PDZD2: variants seen among roughly 807,000 people sequenced by gnomAD.
PDZD2 encodes PDZ domain-containing protein 2.
PDZD2 carries 90 observed loss-of-function variants against 220.7 expected under a neutral mutation model. The ratio of observed to expected loss-of-function variants is 0.41; its 90% CI spans 0.34 to 0.49. The LOEUF is 0.49. Ranked by LOEUF, PDZD2 falls within the 20% of genes least tolerant of loss-of-function variation. The probability of loss-of-function intolerance (pLI) is 0.28; values close to 1 mark genes in which losing one functional copy is unlikely to be tolerated. For missense variants in PDZD2, 3,174 were observed against 3,608.5 expected, an observed-to-expected ratio of 0.88 and a Z score of 3.08; for synonymous variants, 1,375 against 1,450.5, an observed-to-expected ratio of 0.95 and a Z score of 1.18.
rs139341254 is a variant in PDZD2, at chr5:31,657,702, G to A, written c.-361+18265G>A. ...AAACATGGAGGCAGGTCATGAGACC[G>A]TGTGATCCATGTGCATCAGCACTGG... On this transcript the variant is annotated intron_variant, in intron 1 of 24. Coordinates refer to ENST00000438447, the MANE Select transcript of PDZD2 (RefSeq NM_178140.4). Among the ~76,000 whole-genome samples the A allele has an allele frequency of 2.8e-3, 433 of 152,294 alleles. 1 individual carries two copies. Among genetic ancestry groups the A allele is most frequent in the Non-Finnish European group, 4.0e-3 (273 of 68,024 alleles).
intron 2 of PDZD2, among the ~76,000 whole-genome samples, chr5:31,921,113 C>T (rs1744213949): frequency 6.6e-6 from 1 of 152,140 alleles, no homozygotes; most frequent in Non-Finnish European, 1.5e-5. Flanking sequence ...ATTCTGTCCC[C>T]CTTAAGAGGT....
In PDZD2 at chr5:31,850,073, T is replaced by TGTATATATAAGTATATATAC. The variant is rs1561507797; in HGVS notation, c.476+50351_476+50352insATATATAAGTATATATACGT. On this transcript the variant is annotated intron_variant, in intron 2 of 24. Coordinates refer to ENST00000438447, the MANE Select transcript of PDZD2 (RefSeq NM_178140.4). ...ATACGTGTATATATAAGTATATATA[T>TGTATATATAAGTATATATAC]GTGTATATATAAGTATATATACGTG... Among the ~76,000 whole-genome samples, 58 of 115,514 alleles carry TGTATATATAAGTATATATAC rather than the reference T, an allele frequency of 5.0e-4. 6 individuals carry two copies. Among genetic ancestry groups the TGTATATATAAGTATATATAC allele is most frequent in the African/African-American group, 1.9e-3 (50 of 26,730 alleles). 75.8% of individuals were successfully genotyped at this position (115,514 alleles called of 152,430 possible). A position where few individuals can be genotyped will look rare whatever the true frequency, so the allele number is the denominator to read the frequency against.
chr5:32,025,460 G>A (rs941343090), intron 6 of PDZD2, among the ~76,000 whole-genome samples: 11 of 151,730 alleles, frequency 7.2e-5, no homozygotes, highest in Non-Finnish European at 1.3e-4. Context: ...GGGAGGTGGA[G>A]GTTGTGGTGA....
intron 5 of PDZD2, among the ~76,000 whole-genome samples, chr5:32,007,379 G>T: frequency 6.7e-6 from 1 of 148,298 alleles, no homozygotes. Context: ...CTTCACAGTT[G>T]GGATTTAAAA....
chr5:31,679,239 G>A (rs1331924795), intron 1 of PDZD2, among the ~76,000 whole-genome samples: 2 of 152,244 alleles, frequency 1.3e-5, no homozygotes. Flanking sequence ...ATGCTGGATT[G>A]GCACAGATTC....
chr5:31,993,898 T>C (rs1751426960), intron 3 of PDZD2, among the ~76,000 whole-genome samples: 1 of 152,202 alleles, frequency 6.6e-6, no homozygotes, highest in South Asian at 2.1e-4. Context: ...AGTGAGCATA[T>C]GTGTGTGTCC....
At chr5:31,684,503 G>T (rs1746772402) in intron 1 of PDZD2, among the ~76,000 whole-genome samples, 1 of 151,666 alleles carries the variant, frequency 6.6e-6, no homozygotes, top group South Asian at 2.1e-4. Context: ...CAAACTGGAA[G>T]TGCATTTCCA....
chr5:31,643,135 G>A (rs745985230), intron 1 of PDZD2, among the ~76,000 whole-genome samples: 2 of 152,192 alleles, frequency 1.3e-5, no homozygotes, highest in South Asian at 2.1e-4. Flanking sequence ...CTCCATGACC[G>A]CATCTGCTGT....
intron 2 of PDZD2, among the ~76,000 whole-genome samples, chr5:31,974,651 T>G (rs757892201): frequency 1.1e-4 from 16 of 152,224 alleles, no homozygotes; most frequent in Non-Finnish European, 2.1e-4. Context: ...AATAGCAGTA[T>G]CCAGAGTATC....
At chr5:31,857,278 C>T (rs775996572) in intron 2 of PDZD2, among the ~76,000 whole-genome samples, 1 of 152,216 alleles carries the variant, frequency 6.6e-6, no homozygotes, top group African/African-American at 2.4e-5. Flanking sequence ...GCTTGCCGCT[C>T]TTGAGGCCAG....
chr5:31,862,342 G>T (rs1737798033), intron 2 of PDZD2, among the ~76,000 whole-genome samples: 1 of 151,616 alleles, frequency 6.6e-6, no homozygotes, highest in South Asian at 2.1e-4. Flanking sequence ...GACCTCAGAT[G>T]ATCCACCCGT....
At chr5:32,040,363 C>A (rs13168564) in intron 7 of PDZD2, among the ~76,000 whole-genome samples, 152 of 149,420 alleles carry the variant, frequency 1.0e-3, no homozygotes, top group Admixed American at 2.7e-3. Flanking sequence ...GCCTGGCCGC[C>A]CCGTCTAGGA....
chr5:31,872,571 G>A (rs1738915576), intron 2 of PDZD2, among the ~76,000 whole-genome samples: 1 of 152,136 alleles, frequency 6.6e-6, no homozygotes, highest in Non-Finnish European at 1.5e-5. Flanking sequence ...TATGTTAACT[G>A]GCCTGTCATT....
intron 3 of PDZD2, 70 bp downstream of exon 3, chr5:31,983,726 G>T: frequency 6.9e-7 from 1 of 1,448,420 alleles, no homozygotes; most frequent in African/African-American, 1.4e-5. Flanking sequence ...TTGCAGCCCA[G>T]CCCATGCGGG....
At chr5:32,073,186 C>T (rs1740923339) in intron 17 of PDZD2, among the ~76,000 whole-genome samples, 1 of 152,180 alleles carries the variant, frequency 6.6e-6, no homozygotes, top group Non-Finnish European at 1.5e-5. Context: ...GCGACGACCA[C>T]TCTGACTCAT....
chr5:31,858,716 C>T (rs1305070065), intron 2 of PDZD2, among the ~76,000 whole-genome samples: 1 of 151,782 alleles, frequency 6.6e-6, no homozygotes, highest in Non-Finnish European at 1.5e-5. Context: ...TCCCTCCCTC[C>T]CTTCCTCCCT....
chr5:31,859,265 T>G (rs1737458632), intron 2 of PDZD2, among the ~76,000 whole-genome samples: 1 of 152,214 alleles, frequency 6.6e-6, no homozygotes, highest in East Asian at 1.9e-4. Flanking sequence ...TGGCTCTGTG[T>G]CAATTAAACC....
intron 2 of PDZD2, among the ~76,000 whole-genome samples, chr5:31,808,034 G>A (rs912936366): frequency 1.3e-5 from 2 of 152,204 alleles, no homozygotes; most frequent in Admixed American, 1.3e-4. Flanking sequence ...TCAAGAGGCT[G>A]CTAGAAGGTG....
Position 32,057,955 on chromosome 5 carries a change from C to T in PDZD2, c.2052C>T (p.Pro684=). Residue 684 remains proline (P), a synonymous_variant, in exon 12 of 25, where the codon CCC becomes CCT. Transcript: ENST00000438447. The part of the protein sequence containing the change: ...VSPSLTPCST[P]THMSRSASPN... ...CCAGCCTCACACCCTGCTCGACACC[C>T]ACACACATGAGCAGATCCGCCTCCC... 6.2e-7 allele frequency: 1 copy of T among 1,613,832 alleles called. No homozygotes were observed.
Sources: gnomAD v4.1 joint callset for allele counts (sites outside exome capture counted in the v4.1 genomes callset) on GRCh38, gnomAD v4.1.1 for gene constraint, MANE v1.5 for transcripts, NCBI Gene and HGNC (gene_info 2026-07-23, HGNC 2026-07-21) for gene names.